The following ACTG2 variants were observed in gnomAD, a reference collection of about 807,000 sequenced individuals.
ACTG2 encodes the protein actin gamma 2, smooth muscle.
ACTG2 carries 16 observed loss-of-function variants against 37.6 expected under a neutral mutation model. That is an observed-to-expected ratio of 0.43 (90% CI 0.29 to 0.65). ACTG2 has a LOEUF of 0.65. Ranked by LOEUF, ACTG2 falls within the 30% of genes least tolerant of loss-of-function variation. The pLI is 0.18. For missense variants in ACTG2, 238 were observed against 490.9 expected, an observed-to-expected ratio of 0.48 and a Z score of 4.87; for synonymous variants, 181 against 179.9, an observed-to-expected ratio of 1.01 and a Z score of -0.05.
At chr2:73,902,967 C>T in intron 3 of ACTG2, 1 of 555,636 alleles carries the variant, frequency 1.8e-6, no homozygotes, top group Non-Finnish European at 3.1e-6. Flanking sequence ...GGCAAACAGC[C>T]ATCTCTCTCA....
At chr2:73,897,763 A>G (rs999398456) in intron 1 of ACTG2, among the ~76,000 whole-genome samples, 8 of 152,216 alleles carry the variant, frequency 5.3e-5, no homozygotes, top group Non-Finnish European at 4.4e-5. Flanking sequence ...CAGCAGATTC[A>G]GTGTCTGTCT....
intron 1 of ACTG2, among the ~76,000 whole-genome samples, chr2:73,895,820 T>C (rs1380411283): frequency 6.6e-6 from 1 of 152,212 alleles, no homozygotes; most frequent in Non-Finnish European, 1.5e-5. Flanking sequence ...CGACAGGGAT[T>C]GACGAAGCCC....
intron 2 of ACTG2, among the ~76,000 whole-genome samples, chr2:73,902,094 A>G (rs1679903431): frequency 6.9e-6 from 1 of 145,856 alleles, no homozygotes; most frequent in East Asian, 2.0e-4. Flanking sequence ...GAAGAAGTGT[A>G]TGGGAGGGGC....
intron 5 of ACTG2, among the ~76,000 whole-genome samples, chr2:73,912,824 G>A (rs13021486): frequency 0.63 from 95,637 of 151,944 alleles, 30,553 homozygotes; most frequent in Admixed American, 0.73. Context: ...ATTAAAAAAT[G>A]GTGGTGATAT....
intron 5 of ACTG2, among the ~76,000 whole-genome samples, chr2:73,909,993 T>C (rs1053420600): frequency 1.4e-4 from 21 of 152,112 alleles, no homozygotes; most frequent in African/African-American, 5.1e-4. Flanking sequence ...GGTGGGCGGA[T>C]CACCTGAGGT....
intron 3 of ACTG2, among the ~76,000 whole-genome samples, chr2:73,904,777 G>GTGTGTGTATGTATATATATATATATATA (rs1427483105): frequency 7.0e-5 from 3 of 42,634 alleles, no homozygotes; most frequent in African/African-American, 2.3e-4. Flanking sequence ...GTGTGTGTGT[G>GTGTGTGTATGTATATATATATATATATA]TATATATATA....
In ACTG2 at chr2:73,919,615, C is replaced by T. The variant is rs1402916463; in HGVS notation, c.*40C>T. ...CTCCAAGGATCCCCTCGAGACTACT[C>T]TGTTACCAGTCATGAAACATTAAAA... On this transcript the variant is annotated 3_prime_UTR_variant, in exon 9 of 9. Transcript: ENST00000345517. 1 of 1,598,160 alleles carries T rather than the reference C, an allele frequency of 6.3e-7. No individual in the cohort carries two copies.
Position 73,895,136 on chromosome 2 carries a change from C to CG in ACTG2, c.-37+2088dup, listed in dbSNP as rs751618568. Among the ~76,000 whole-genome samples the CG allele has an allele frequency of 2.6e-5, 4 of 151,740 alleles. No homozygotes were observed. The East Asian group carries it at 7.8e-4, about 30-fold the overall frequency. ...TGGTGTGAGTCTGTGAGGGCAGCTC[C>CG]GGGCAGAGGCTGCTGATGAGGAGAG... On this transcript the variant is annotated intron_variant, in intron 1 of 8. Coordinates refer to ENST00000345517, the MANE Select transcript of ACTG2 (RefSeq NM_001615.4).
chr2:73,916,013 C>A (rs79112493), intron 7 of ACTG2, among the ~76,000 whole-genome samples: 9,733 of 152,146 alleles, frequency 0.064, 657 homozygotes, highest in African/African-American at 0.17. Context: ...TGAATTATAT[C>A]TCAAAAAGTT....
chr2:73,914,645 C>T, intron 6 of ACTG2, 35 bp from the exon 7 acceptor site: 1 of 1,475,904 alleles, frequency 6.8e-7, no homozygotes, highest in Non-Finnish European at 9.1e-7. Context: ...TATCAGAGCT[C>T]AGTATTCACC....
intron 1 of ACTG2, among the ~76,000 whole-genome samples, chr2:73,895,806 T>C (rs902755587): frequency 2.6e-5 from 4 of 152,226 alleles, no homozygotes; most frequent in African/African-American, 9.7e-5. Flanking sequence ...TTTACAGCCC[T>C]TGACGACAGG....
At chr2:73,915,305 AG>A (rs1680239201) in intron 7 of ACTG2, among the ~76,000 whole-genome samples, 1 of 133,826 alleles carries the variant, frequency 7.5e-6, no homozygotes, top group South Asian at 2.3e-4. Context: ...AGATCACTTG[AG>A]CCTGTGAGTT....
intron 8 of ACTG2, among the ~76,000 whole-genome samples, chr2:73,918,092 A>T (rs1680309065): frequency 1.3e-5 from 2 of 152,212 alleles, no homozygotes; most frequent in Non-Finnish European, 2.9e-5. Context: ...ATACCAGGAC[A>T]ATCTAAATAA....
intron 8 of ACTG2, among the ~76,000 whole-genome samples, chr2:73,917,856 C>T (rs1043691717): frequency 2.0e-5 from 3 of 151,826 alleles, no homozygotes; most frequent in Non-Finnish European, 4.4e-5. Context: ...GAGAGCTGTG[C>T]CAGGCCTGGG....
intron 3 of ACTG2, among the ~76,000 whole-genome samples, chr2:73,903,939 C>CAGA (rs1679946784): frequency 1.1e-5 from 1 of 90,022 alleles, no homozygotes; most frequent in African/African-American, 4.3e-5. Context: ...GACTCCGTCT[C>CAGA]AAAAAAAAAA....
At chr2:73,902,940 G>C in intron 3 of ACTG2, 1 of 665,726 alleles carries the variant, frequency 1.5e-6, no homozygotes, top group Non-Finnish European at 2.4e-6. Flanking sequence ...TTAAAATGCT[G>C]GTGCTGGCTC....
chr2:73,902,369 G>C lies in ACTG2; in HGVS notation c.136G>C (p.Val46Leu). The C allele has an allele frequency of 6.2e-7, 1 of 1,613,942 alleles. No homozygotes were observed. The highest frequency in any genetic ancestry group is 8.5e-7 in the Non-Finnish European group (1 of 1,179,960). The part of the protein sequence containing the change: ...VGRPRHQGVM[V>L]GMGQKDSYVG... ...TCTTTTTGCATTGCAGGGTGTGATGGTGGGAATGGGCCAGAAAGACAGCTA... is the reference window on the plus strand; with the variant it reads ...TCTTTTTGCATTGCAGGGTGTGATGCTGGGAATGGGCCAGAAAGACAGCTA... The change falls in exon 3 of 9, where the codon GTG becomes CTG. Residue 46 changes from valine to leucine, a missense_variant. Val to Leu is a conservative substitution (Grantham distance 32). Transcript: ENST00000345517.
chr2:73,898,864 T>A (rs1466367252), intron 1 of ACTG2, among the ~76,000 whole-genome samples: 20 of 148,312 alleles, frequency 1.3e-4, no homozygotes, highest in African/African-American at 5.0e-4. Flanking sequence ...GTGCAGTGGC[T>A]CGATCTTGGC....
At chr2:73,912,485 A>G (rs1049408676) in intron 5 of ACTG2, among the ~76,000 whole-genome samples, 13 of 152,236 alleles carry the variant, frequency 8.5e-5, no homozygotes, top group Admixed American at 5.9e-4. Context: ...ATCATGTTTA[A>G]TAGCCACGTG....
Sources: gnomAD v4.1 joint callset for allele counts (sites outside exome capture counted in the v4.1 genomes callset) on GRCh38, gnomAD v4.1.1 for gene constraint, MANE v1.5 for transcripts, NCBI Gene and HGNC (gene_info 2026-07-23, HGNC 2026-07-21) for gene names.